The following GTF2A1 variants were observed in gnomAD, a reference collection of about 807,000 sequenced individuals.
GTF2A1 encodes general transcription factor IIA subunit 1, also known as transcription initiation factor IIA subunit 1.
A neutral mutation model predicts 54.1 loss-of-function variants in GTF2A1; 12 were observed. That is an observed-to-expected ratio of 0.22 (90% confidence interval 0.14 to 0.36). The LOEUF is 0.36. Among genes scored for constraint, GTF2A1 ranks in the 10% least tolerant of loss-of-function variants. GTF2A1 has a pLI of 1.00. For missense variants in GTF2A1, 335 were observed against 442.2 expected (o/e 0.76, Z 2.17); for synonymous variants, 145 against 152.0 (o/e 0.95, Z 0.34).
chr14:81,220,665 G>A lies in GTF2A1; in HGVS notation c.-147C>T, dbSNP rs1199131420. On this transcript the variant is annotated 5_prime_UTR_variant, in exon 1 of 9. Coordinates refer to ENST00000553612, the MANE Select transcript of GTF2A1 (RefSeq NM_015859.4). ...ATTTTAAACAAAATCAATCCTGAAGGAGTAGGGGAGAGCGGAGAGAGGAGG... is the reference window on the plus strand; with the variant it reads ...ATTTTAAACAAAATCAATCCTGAAGAAGTAGGGGAGAGCGGAGAGAGGAGG... 1 of 484,084 alleles carries A rather than the reference G, an allele frequency of 2.1e-6. No homozygotes were observed. Among genetic ancestry groups the A allele is most frequent in the African/African-American group, 2.0e-5 (1 of 49,086 alleles). The allele number at this position is 484,084 out of a possible 1,614,324, so 30.0% of individuals were successfully genotyped here.
chr14:81,197,232 C>G, intron 5 of GTF2A1, 177 bp downstream of exon 5: 1 of 521,100 alleles, frequency 1.9e-6, no homozygotes. Context: ...ACTGTATCCT[C>G]AACAACGATT....
At position 81,192,680 on chromosome 14, in the gene GTF2A1, G is replaced by A; in HGVS notation, c.772C>T (p.Pro258Ser). 3 of 1,614,236 alleles carry A rather than the reference G, an allele frequency of 1.9e-6. No individual in the cohort carries two copies. Among genetic ancestry groups the A allele is most frequent in the Non-Finnish European group, 2.5e-6 (3 of 1,180,036 alleles). The change falls in exon 7 of 9, where the codon CCG (proline) becomes TCG (serine). Residue 258 changes from proline (P) to serine (S), a missense_variant. Physicochemically the swap from Pro to Ser is moderately conservative, Grantham distance 74. This residue lies in a region of GTF2A1 where 306 missense variants were observed against 360.4 expected (regional missense o/e 0.85). Transcript: ENST00000553612. ...AQITATGQQQ[P>S]QAQPAQTQAP... ...TGTGTTTGAGCAGGCTGGGCCTGCG[G>A]TTGCTGCTGGCCAGTTGCAGTTATC...
chr14:81,181,414 A>T (rs920356536), intron 8 of GTF2A1, among the ~76,000 whole-genome samples: 2 of 152,148 alleles, frequency 1.3e-5, no homozygotes, highest in Non-Finnish European at 2.9e-5. Context: ...GATAGGGTTC[A>T]ATGGTTTGAC....
At chr14:81,208,409 G>A (rs1021188403) in intron 2 of GTF2A1, among the ~76,000 whole-genome samples, 3 of 152,206 alleles carry the variant, frequency 2.0e-5, no homozygotes, top group East Asian at 1.9e-4. Flanking sequence ...GTATGGAAAC[G>A]CCTGGATGCC....
At chr14:81,207,434 T>C (rs528648692) in intron 2 of GTF2A1, among the ~76,000 whole-genome samples, 4 of 152,208 alleles carry the variant, frequency 2.6e-5, no homozygotes, top group African/African-American at 7.2e-5. Context: ...TCCCCAGCCA[T>C]GTGGAACTGT....
Position 81,216,393 on chromosome 14 carries a change from TA to T in GTF2A1, c.132+19del, listed in dbSNP as rs761503337. On this transcript the variant is annotated intron_variant, in intron 2 of 8. Coordinates refer to ENST00000553612, the MANE Select transcript of GTF2A1 (RefSeq NM_015859.4). ...TTGTGGGGGAAAAGTAGGAATATTT[TA>T]AAAAAAAGACAAACTCACAGTTTTT... is the stretch of plus-strand genomic sequence containing the variant. The T allele has an allele frequency of 3.7e-5, 39 of 1,052,926 alleles. No individual in the cohort carries two copies. The highest frequency in any genetic ancestry group is 5.0e-5 in the Non-Finnish European group (34 of 685,034). The allele number at this position is 1,052,926 out of a possible 1,614,324, so 65.2% of individuals were successfully genotyped here.
chr14:81,210,549 AC>A (rs1173474675), intron 2 of GTF2A1, among the ~76,000 whole-genome samples: 2 of 151,960 alleles, frequency 1.3e-5, no homozygotes, highest in Admixed American at 6.6e-5. Flanking sequence ...ATACTAACAT[AC>A]GTTTTTGTTT....
In GTF2A1 at chr14:81,176,799, G is replaced by A. The variant is rs1426889982; in HGVS notation, c.*3424C>T. 6.6e-6 allele frequency: 1 copy of A among 151,882 alleles called. No individual in the cohort carries two copies. Among genetic ancestry groups the A allele is most frequent in the Non-Finnish European group, 1.5e-5 (1 of 67,894 alleles). 9.4% of individuals were successfully genotyped at this position (151,882 alleles called of 1,614,324 possible). A position where few individuals can be genotyped will look rare whatever the true frequency, so the allele number is the denominator to read the frequency against. ...AATAAAATGAAAATGTACAAAGATG[G>A]ATCAACAAACTATTACATTGCACAA... On this transcript the variant is annotated 3_prime_UTR_variant, in exon 9 of 9. Coordinates refer to ENST00000553612, the MANE Select transcript of GTF2A1 (RefSeq NM_015859.4).
intron 2 of GTF2A1, among the ~76,000 whole-genome samples, chr14:81,210,118 T>C (rs1893330119): frequency 7.0e-6 from 1 of 142,340 alleles, no homozygotes; most frequent in South Asian, 2.3e-4. Context: ...TCATGAAATG[T>C]TGAACATGGC....
At chr14:81,210,159 C>T (rs1054846367) in intron 2 of GTF2A1, among the ~76,000 whole-genome samples, 4 of 152,066 alleles carry the variant, frequency 2.6e-5, no homozygotes, top group African/African-American at 9.7e-5. Flanking sequence ...TTGGGAGAGG[C>T]GGGTAATCTA....
chr14:81,193,489 C>T (rs1474645555), intron 6 of GTF2A1, among the ~76,000 whole-genome samples: 2 of 152,108 alleles, frequency 1.3e-5, no homozygotes, highest in African/African-American at 2.4e-5. Flanking sequence ...TAAAGTCAGA[C>T]ATAAATACAG....
Position 81,180,272 on chromosome 14 carries a change from T to A in GTF2A1, c.1082A>T (p.Asn361Ile). The change falls in exon 9 of 9, where the codon AAT becomes ATT. Residue 361 changes from asparagine (N) to isoleucine (I), a missense_variant. Transcript: ENST00000553612. ...FHLKDGIMNLNGRDYIFSKAI... is the reference protein window; with the variant it reads ...FHLKDGIMNLIGRDYIFSKAI... ...TTTGGAAAATATATAATCTCTTCCA[T>A]TAAGATTCATAATGCCATCCTTGAG... The A allele has an allele frequency of 6.6e-7, 1 of 1,520,198 alleles. No individual in the cohort carries two copies. Among genetic ancestry groups the A allele is most frequent in the Non-Finnish European group, 9.1e-7 (1 of 1,099,612 alleles). The allele number at this position is 1,520,198 out of a possible 1,614,324, so 94.2% of individuals were successfully genotyped here.
chr14:81,185,634 G>A lies in GTF2A1; in HGVS notation c.934-14C>T, dbSNP rs1328865589. 1 of 1,424,212 alleles carries A rather than the reference G, an allele frequency of 7.0e-7. No homozygotes were observed. The highest frequency in any genetic ancestry group is 1.7e-5 in the Admixed American group (1 of 59,228). The allele number at this position is 1,424,212 out of a possible 1,614,324, so 88.2% of individuals were successfully genotyped here. On this transcript the variant is annotated splice_polypyrimidine_tract_variant and intron_variant, in intron 7 of 8. Transcript: ENST00000553612. ...ATTGAGGGGCTCCTACAAATAAAAG[G>A]AGAGTTCTTATTACTATAAGAAGGC...
At chr14:81,192,388 A>G (rs1892893865) in intron 7 of GTF2A1, 131 bp downstream of exon 7, 1 of 669,210 alleles carries the variant, frequency 1.5e-6, no homozygotes, top group South Asian at 2.2e-5. Context: ...ATCTAACTTT[A>G]TCTTTAAAAT....
chr14:81,183,028 A>T (rs1198619295), intron 8 of GTF2A1, among the ~76,000 whole-genome samples: 2 of 152,190 alleles, frequency 1.3e-5, no homozygotes, highest in Admixed American at 6.5e-5. Context: ...TTCCATACCG[A>T]CTATCAGCTT....
rs901131104 is a variant in GTF2A1, at chr14:81,205,302, C to T, written c.133-1198G>A. The stretch of plus-strand genomic sequence containing the variant: ...TTTATAATCTTCTGACCCTTCCAAT[C>T]ATTCCAGACATTCTAGATTTGTTGT... On this transcript the variant is annotated intron_variant, in intron 2 of 8. Coordinates refer to ENST00000553612, the MANE Select transcript of GTF2A1 (RefSeq NM_015859.4). Among the ~76,000 whole-genome samples, 4 of 152,138 alleles carry T rather than the reference C, an allele frequency of 2.6e-5. 1 individual carries two copies. Among genetic ancestry groups the T allele is most frequent in the Admixed American group, 2.6e-4 (4 of 15,272 alleles).
rs760524289 is a variant in GTF2A1, at chr14:81,216,487, C to G, written c.58G>C (p.Asp20His). Residue 20 changes from aspartate (D) to histidine (H), a missense_variant, in exon 2 of 9, where the codon GAT becomes CAT. Asp to His is a moderately conservative substitution (Grantham distance 81). Transcript: ENST00000553612. ...VPKLYRSVIE[D>H]VINDVRDIFL... ...ATGTCTCTCACATCATTAATGACAT[C>G]TTCAATCACAGATCTGTATAATTTA... 1.3e-6 allele frequency: 2 copies of G among 1,525,120 alleles called. No homozygotes were observed. Among genetic ancestry groups the G allele is most frequent in the Non-Finnish European group, 1.8e-6 (2 of 1,099,196 alleles). The allele number at this position is 1,525,120 out of a possible 1,614,324, so 94.5% of individuals were successfully genotyped here.
chr14:81,206,800 C>T (rs1341042438), intron 2 of GTF2A1, among the ~76,000 whole-genome samples: 1 of 152,008 alleles, frequency 6.6e-6, no homozygotes. Context: ...CTCTCTCCTT[C>T]CCTCCCCTTC....
At chr14:81,214,576 G>A (rs1260150702) in intron 2 of GTF2A1, among the ~76,000 whole-genome samples, 2 of 151,324 alleles carry the variant, frequency 1.3e-5, no homozygotes, top group African/African-American at 4.9e-5. Context: ...AACCAGGGAG[G>A]CAAAGCTTGC....
Sources: allele counts gnomAD v4.1 joint callset (sites outside exome capture counted in the v4.1 genomes callset), GRCh38; gene constraint gnomAD v4.1.1; regional missense constraint gnomAD v4.1.1; transcripts MANE v1.5; gene names NCBI Gene and HGNC (gene_info 2026-07-23, HGNC 2026-07-21).